VAV3: variants seen among roughly 807,000 people sequenced by gnomAD.
VAV3 encodes guanine nucleotide exchange factor VAV3.
In VAV3, 94 loss-of-function variants were observed where a neutral mutation model predicts 131.2. The ratio of observed to expected loss-of-function variants is 0.72; its 90% CI spans 0.61 to 0.85. The LOEUF (loss-of-function observed/expected upper bound fraction) is 0.85, where lower values mean the gene tolerates loss of function less well. Ranked by LOEUF, VAV3 falls within the 40% of genes least tolerant of loss-of-function variation. The probability of loss-of-function intolerance (pLI) is 0.00; values close to 1 mark genes in which losing one functional copy is unlikely to be tolerated. For missense variants in VAV3, 939 were observed against 1,002.7 expected (o/e 0.94, Z 0.86); for synonymous variants, 349 against 342.0 (o/e 1.02, Z -0.22).
intron 12 of VAV3, among the ~76,000 whole-genome samples, chr1:107,753,071 A>ACATTGATGTATTTAT: frequency 6.6e-6 from 1 of 152,306 alleles, no homozygotes; most frequent in East Asian, 1.9e-4. Context: ...CATCAATGAA[A>ACATTGATGTATTTAT]AACAGTGAGG....
At chr1:107,588,924 C>T (rs989164063) in intron 25 of VAV3, among the ~76,000 whole-genome samples, 7 of 152,142 alleles carry the variant, frequency 4.6e-5, no homozygotes, top group African/African-American at 1.7e-4. Context: ...GTTTAGGAGC[C>T]TGCATTGGCT....
intron 2 of VAV3, among the ~76,000 whole-genome samples, chr1:107,823,380 G>GT (rs1667880961): frequency 6.6e-6 from 1 of 152,178 alleles, no homozygotes; most frequent in Non-Finnish European, 1.5e-5. Context: ...TGCATTGACT[G>GT]TGAGTCTGAA....
intron 1 of VAV3, among the ~76,000 whole-genome samples, chr1:107,891,514 G>C (rs1015949627): frequency 1.3e-5 from 2 of 152,104 alleles, no homozygotes; most frequent in Admixed American, 6.5e-5. Context: ...TGTGTGACTA[G>C]AAGGAGGTAA....
chr1:107,704,496 A>G, intron 17 of VAV3, 54 bp downstream of exon 17: 1 of 1,430,094 alleles, frequency 7.0e-7, no homozygotes, highest in Middle Eastern at 1.8e-4. Flanking sequence ...AATTATGTTT[A>G]GCAAATTTTA....
At chr1:107,834,814 T>A (rs1230562593) in intron 2 of VAV3, among the ~76,000 whole-genome samples, 2 of 152,148 alleles carry the variant, frequency 1.3e-5, no homozygotes, top group African/African-American at 2.4e-5. Flanking sequence ...GACTAGTTCC[T>A]GGCCTTGAAC....
intron 2 of VAV3, among the ~76,000 whole-genome samples, chr1:107,863,049 C>T (rs1669812698): frequency 6.6e-6 from 1 of 152,098 alleles, no homozygotes; most frequent in Admixed American, 6.6e-5. Context: ...AACATATCTA[C>T]TCGGTTGTAA....
chr1:107,717,372 T>C (rs1394524605), intron 15 of VAV3, among the ~76,000 whole-genome samples: 1 of 152,238 alleles, frequency 6.6e-6, no homozygotes, highest in Non-Finnish European at 1.5e-5. Flanking sequence ...CTTGTGAGCA[T>C]TTAGTGCTAT....
chr1:107,646,955 A>C (rs1343085859), intron 19 of VAV3, among the ~76,000 whole-genome samples: 1 of 151,876 alleles, frequency 6.6e-6, no homozygotes, highest in Non-Finnish European at 1.5e-5. Context: ...CACACTCCAA[A>C]TGACACATGT....
intron 25 of VAV3, among the ~76,000 whole-genome samples, chr1:107,575,015 G>A (rs1336491576): frequency 1.5e-3 from 39 of 25,974 alleles, no homozygotes; most frequent in Non-Finnish European, 2.9e-3. Context: ...GCGCGCGCGC[G>A]CACACGCGCG....
intron 22 of VAV3, among the ~76,000 whole-genome samples, chr1:107,606,803 C>CT (rs34849497): frequency 0.081 from 4,702 of 58,110 alleles, 295 homozygotes; most frequent in Middle Eastern, 0.11. Flanking sequence ...ATGGTTTCTT[C>CT]TTTTTTTTTT....
intron 15 of VAV3, among the ~76,000 whole-genome samples, chr1:107,732,765 A>T (rs887532064): frequency 6.6e-6 from 1 of 152,002 alleles, no homozygotes. Flanking sequence ...GCCTCTGTAG[A>T]CTCCACCTCT....
intron 15 of VAV3, among the ~76,000 whole-genome samples, chr1:107,742,766 A>C (rs17019855): frequency 6.6e-6 from 1 of 152,098 alleles, no homozygotes; most frequent in Admixed American, 6.5e-5. Flanking sequence ...GTAAAACTGA[A>C]ACGACCTCAG....
rs763375398 is a variant in VAV3, at chr1:107,642,736, G to A, written c.1797C>T (p.Val599=). 2 of 1,613,292 alleles carry A rather than the reference G, an allele frequency of 1.2e-6. No homozygotes were observed. Among genetic ancestry groups the A allele is most frequent in the South Asian group, 2.2e-5 (2 of 91,048 alleles). ...QVDPGLPKMQ[V]IRNYSGTPPP... ...GTGGTGTTCCAGAATAGTTCCTAATGACCTGCATCTTTGGTAAACCTGAAA... is the reference window on the plus strand; with the variant it reads ...GTGGTGTTCCAGAATAGTTCCTAATAACCTGCATCTTTGGTAAACCTGAAA... Residue 599 remains valine (V), a synonymous_variant, in exon 20 of 27, where the codon GTC becomes GTT. Coordinates refer to ENST00000370056, the MANE Select transcript of VAV3 (RefSeq NM_006113.5).
chr1:107,704,711 T>A (rs1370901384), intron 16 of VAV3, 61 bp from the exon 17 acceptor site: 2 of 1,369,448 alleles, frequency 1.5e-6, no homozygotes, highest in African/African-American at 1.4e-5. Context: ...CATATGAAAT[T>A]ACTGCAAGAA....
intron 19 of VAV3, among the ~76,000 whole-genome samples, chr1:107,660,870 G>A (rs572929858): frequency 3.9e-5 from 6 of 152,114 alleles, no homozygotes; most frequent in Admixed American, 6.5e-5. Context: ...AATTGCAAAC[G>A]CTACGGAAGC....
chr1:107,926,709 G>C (rs1268185924), intron 1 of VAV3, among the ~76,000 whole-genome samples: 1 of 152,142 alleles, frequency 6.6e-6, no homozygotes, highest in Non-Finnish European at 1.5e-5. Context: ...TCCAAACCAG[G>C]CTGAACTCAG....
intron 1 of VAV3, among the ~76,000 whole-genome samples, chr1:107,910,081 A>G (rs1672296355): frequency 6.6e-6 from 1 of 152,208 alleles, no homozygotes; most frequent in Non-Finnish European, 1.5e-5. Flanking sequence ...CAACAACTCT[A>G]CGATGAAAGC....
At chr1:107,882,325 C>T (rs1415109326) in intron 1 of VAV3, among the ~76,000 whole-genome samples, 1 of 152,098 alleles carries the variant, frequency 6.6e-6, no homozygotes, top group East Asian at 1.9e-4. Context: ...CTCAGTAGGA[C>T]ACTTGCTATT....
chr1:107,629,422 G>A (rs759321750), intron 20 of VAV3, among the ~76,000 whole-genome samples: 1 of 152,128 alleles, frequency 6.6e-6, no homozygotes, highest in Non-Finnish European at 1.5e-5. Flanking sequence ...ATCACATATT[G>A]CAACAAAGAC....
Sources: allele counts gnomAD v4.1 joint callset (sites outside exome capture counted in the v4.1 genomes callset), GRCh38; gene constraint gnomAD v4.1.1; transcripts MANE v1.5; gene names NCBI Gene and HGNC (gene_info 2026-07-23, HGNC 2026-07-21).